The following NRXN1 variants were observed in gnomAD, a reference collection of about 807,000 sequenced individuals.
NRXN1 encodes the protein neurexin 1.
In NRXN1, 39 loss-of-function variants were observed where a neutral mutation model predicts 150.9. That is an observed-to-expected ratio of 0.26 (90% confidence interval 0.20 to 0.34). NRXN1 has a LOEUF of 0.34. Among genes scored for constraint, NRXN1 ranks in the 10% least tolerant of loss-of-function variants. The pLI, the probability that NRXN1 is intolerant of heterozygous loss-of-function variation, is 1.00. For missense variants in NRXN1, 1,815 were observed against 1,949.9 expected (o/e 0.93, Z 1.30); for synonymous variants, 924 against 757.0 (o/e 1.22, Z -3.62).
chr2:50,831,063 T>C (rs1276275885), intron 5 of NRXN1, among the ~76,000 whole-genome samples: 5 of 152,214 alleles, frequency 3.3e-5, no homozygotes, highest in African/African-American at 1.2e-4. Context: ...GGTCTCTGTC[T>C]CCTCAAACAT....
chr2:50,838,252 A>G (rs1389818820), intron 5 of NRXN1, among the ~76,000 whole-genome samples: 1 of 152,176 alleles, frequency 6.6e-6, no homozygotes, highest in African/African-American at 2.4e-5. Flanking sequence ...TATGTAAGTC[A>G]TGAAAATCAT....
chr2:50,072,427 G>A (rs1335427514), intron 19 of NRXN1, among the ~76,000 whole-genome samples: 1 of 151,536 alleles, frequency 6.6e-6, no homozygotes, highest in African/African-American at 2.4e-5. Context: ...GATCCCAAAA[G>A]ATACACTGTG....
intron 17 of NRXN1, among the ~76,000 whole-genome samples, chr2:50,463,628 A>G (rs1052272430): frequency 6.6e-6 from 1 of 151,798 alleles, no homozygotes; most frequent in Non-Finnish European, 1.5e-5. Flanking sequence ...TGTAAAAATC[A>G]TTCGAAGACA....
intron 17 of NRXN1, among the ~76,000 whole-genome samples, chr2:50,458,658 C>A (rs1405749044): frequency 6.6e-6 from 1 of 151,718 alleles, no homozygotes; most frequent in Non-Finnish European, 1.5e-5. Flanking sequence ...TGGCTCACTG[C>A]AACCTCCTCC....
chr2:50,155,957 G>C (rs1401694811), intron 18 of NRXN1, among the ~76,000 whole-genome samples: 1 of 151,598 alleles, frequency 6.6e-6, no homozygotes, highest in Non-Finnish European at 1.5e-5. Flanking sequence ...GCATATTTAA[G>C]TTGACAAATT....
In NRXN1 at chr2:49,921,897, T is replaced by C. The variant is rs201147800; in HGVS notation, c.*47A>G. The C allele has an allele frequency of 1.5e-4, 230 of 1,578,258 alleles. 1 individual carries two copies. In the African/African-American group the frequency reaches 2.8e-3, roughly 19 times the overall value. On this transcript the variant is annotated 3_prime_UTR_variant, in exon 23 of 23. Transcript: ENST00000401669. ...AAATAAGTTTATATTATGTCTCAGA[T>C]AAAATGAAGACTATTTCTATACAAG...
chr2:50,842,618 C>T (rs982081616), intron 5 of NRXN1, among the ~76,000 whole-genome samples: 5 of 152,218 alleles, frequency 3.3e-5, no homozygotes, highest in East Asian at 3.9e-4. Context: ...AATCTGATAT[C>T]CATTTGTGTA....
chr2:50,838,437 T>G (rs1672398077), intron 5 of NRXN1, among the ~76,000 whole-genome samples: 1 of 152,108 alleles, frequency 6.6e-6, no homozygotes, highest in African/African-American at 2.4e-5. Flanking sequence ...ATGTAGGACC[T>G]AAAAGAATTG....
intron 5 of NRXN1, chr2:50,912,878 C>G (rs1684722144): frequency 6.6e-6 from 1 of 151,628 alleles, no homozygotes; most frequent in Non-Finnish European, 1.5e-5. Flanking sequence ...AGAGTCCTCA[C>G]ATTCATCAGT....
At chr2:50,915,527 T>C (rs919344570) in intron 5 of NRXN1, among the ~76,000 whole-genome samples, 5 of 151,586 alleles carry the variant, frequency 3.3e-5, no homozygotes, top group Admixed American at 2.6e-4. Context: ...GTAACAGATA[T>C]CTAAATAATT....
At chr2:50,785,243 CTTTTTTTTT>C in intron 5 of NRXN1, among the ~76,000 whole-genome samples, 2 of 106,096 alleles carry the variant, frequency 1.9e-5, no homozygotes, top group East Asian at 5.4e-4. Context: ...AGAAAATACA[CTTTTTTTTT>C]TTTTTTTTTT....
chr2:49,947,487 T>C (rs1006543597), intron 21 of NRXN1, among the ~76,000 whole-genome samples: 5 of 150,946 alleles, frequency 3.3e-5, no homozygotes, highest in Non-Finnish European at 5.9e-5. Flanking sequence ...TCTCTTCTCC[T>C]TCTCCTTTTT....
intron 17 of NRXN1, among the ~76,000 whole-genome samples, chr2:50,383,832 A>G (rs1161332325): frequency 6.6e-6 from 1 of 152,194 alleles, no homozygotes; most frequent in Non-Finnish European, 1.5e-5. Context: ...TAGCTAATCA[A>G]ATCTACTCCT....
At chr2:50,810,890 G>T (rs1278677357) in intron 5 of NRXN1, among the ~76,000 whole-genome samples, 2 of 151,880 alleles carry the variant, frequency 1.3e-5, no homozygotes, top group Non-Finnish European at 2.9e-5. Context: ...TGAGGCAGGG[G>T]AATCAGTTGA....
At chr2:50,740,258 G>C (rs1220334181) in intron 5 of NRXN1, among the ~76,000 whole-genome samples, 2 of 152,104 alleles carry the variant, frequency 1.3e-5, no homozygotes, top group Non-Finnish European at 2.9e-5. Context: ...CCTGTGACTG[G>C]CTCAGAAAAG....
chr2:49,992,602 T>G (rs1682192317), intron 21 of NRXN1, among the ~76,000 whole-genome samples: 1 of 151,866 alleles, frequency 6.6e-6, no homozygotes, highest in South Asian at 2.1e-4. Flanking sequence ...ATACTTCTGT[T>G]ATCTGAAAAA....
intron 5 of NRXN1, among the ~76,000 whole-genome samples, chr2:50,854,963 C>G (rs2105996321): frequency 6.6e-6 from 1 of 152,104 alleles, no homozygotes; most frequent in Middle Eastern, 3.4e-3. Flanking sequence ...AGGGTCCTCA[C>G]TCCAGATATT....
At chr2:50,387,895 A>G (rs1265345911) in intron 17 of NRXN1, among the ~76,000 whole-genome samples, 2 of 152,212 alleles carry the variant, frequency 1.3e-5, no homozygotes, top group Non-Finnish European at 2.9e-5. Context: ...ACTGTGGACA[A>G]TAAATATCAA....
rs532292725 is a variant in NRXN1, at chr2:49,968,275, T to C, written c.4129-24484A>G. Among the ~76,000 whole-genome samples the C allele has an allele frequency of 9.2e-5, 14 of 152,152 alleles. 1 individual carries two copies. In the South Asian group the frequency reaches 2.7e-3, roughly 29 times the overall value. ...ACAGTTATGCAGTTATGCCAAAGTG[T>C]CCAATTTACTTTTTCTGAAGAAAAA... On this transcript the variant is annotated intron_variant, in intron 21 of 22. Transcript: ENST00000401669.
Sources: allele counts gnomAD v4.1 joint callset (sites outside exome capture counted in the v4.1 genomes callset), GRCh38; gene constraint gnomAD v4.1.1; transcripts MANE v1.5; gene names NCBI Gene and HGNC (gene_info 2026-07-23, HGNC 2026-07-21).